The following ST6GALNAC3 variants were observed in gnomAD, a reference collection of about 807,000 sequenced individuals.
The protein encoded by ST6GALNAC3 is alpha-N-acetylgalactosaminide alpha-2,6-sialyltransferase 3.
A neutral mutation model predicts 32.7 loss-of-function variants in ST6GALNAC3; 25 were observed. That is an observed-to-expected ratio of 0.76 (90% confidence interval 0.56 to 1.07). ST6GALNAC3 has a LOEUF of 1.07. ST6GALNAC3 is among the 50% of genes least tolerant of loss of function. The pLI is 0.00. For synonymous variants in ST6GALNAC3, 129 were observed against 133.1 expected (o/e 0.97, Z 0.21); for missense variants, 355 against 382.4 (o/e 0.93, Z 0.60).
intron 1 of ST6GALNAC3, among the ~76,000 whole-genome samples, chr1:76,155,009 C>T (rs193029106): frequency 6.6e-6 from 1 of 152,280 alleles, no homozygotes; most frequent in Non-Finnish European, 1.5e-5. Context: ...ATTTGCATTT[C>T]CACCAATCTT....
At chr1:76,463,557 C>A (rs1460298956) in intron 3 of ST6GALNAC3, among the ~76,000 whole-genome samples, 2 of 152,174 alleles carry the variant, frequency 1.3e-5, no homozygotes, top group Non-Finnish European at 2.9e-5. Flanking sequence ...CCAAGCAATA[C>A]TGCATTTCCT....
At chr1:76,254,455 G>T (rs755481203) in intron 1 of ST6GALNAC3, among the ~76,000 whole-genome samples, 9 of 152,096 alleles carry the variant, frequency 5.9e-5, no homozygotes, top group Non-Finnish European at 1.0e-4. Context: ...CTCTCCTCTT[G>T]TGTTTCCATT....
intron 3 of ST6GALNAC3, among the ~76,000 whole-genome samples, chr1:76,439,903 C>A (rs1656420692): frequency 6.6e-6 from 1 of 152,138 alleles, no homozygotes; most frequent in Non-Finnish European, 1.5e-5. Flanking sequence ...ATGTGCCTCA[C>A]TTTTCTCTTT....
intron 3 of ST6GALNAC3, among the ~76,000 whole-genome samples, chr1:76,432,830 C>A (rs1655861378): frequency 6.6e-6 from 1 of 152,096 alleles, no homozygotes; most frequent in African/African-American, 2.4e-5. Flanking sequence ...AACTTGAAGT[C>A]TTTTTCCTTC....
chr1:76,559,506 G>T (rs1012644938), intron 3 of ST6GALNAC3, among the ~76,000 whole-genome samples: 1 of 152,056 alleles, frequency 6.6e-6, no homozygotes, highest in Non-Finnish European at 1.5e-5. Flanking sequence ...CAACAATAAA[G>T]AACAATAGAT....
chr1:76,135,300 T>A (rs1291544366), intron 1 of ST6GALNAC3, among the ~76,000 whole-genome samples: 1 of 152,262 alleles, frequency 6.6e-6, no homozygotes, highest in African/African-American at 2.4e-5. Context: ...AGTAGTGTTT[T>A]GCATTTGTGT....
intron 1 of ST6GALNAC3, among the ~76,000 whole-genome samples, chr1:76,256,509 T>C (rs1234927669): frequency 2.0e-5 from 3 of 152,182 alleles, no homozygotes. Flanking sequence ...GGCACCCTAC[T>C]GCTTCCATGA....
At chr1:76,523,034 C>T (rs1662647399) in intron 3 of ST6GALNAC3, among the ~76,000 whole-genome samples, 1 of 152,184 alleles carries the variant, frequency 6.6e-6, no homozygotes, top group Admixed American at 6.5e-5. Context: ...GGTCCATCCC[C>T]ATGTGTTCCA....
At chr1:76,595,677 C>T (rs1413317827) in intron 3 of ST6GALNAC3, among the ~76,000 whole-genome samples, 1 of 78,508 alleles carries the variant, frequency 1.3e-5, no homozygotes, top group Non-Finnish European at 3.1e-5. Context: ...CTATCAATAA[C>T]ATCATACACA....
chr1:76,187,582 A>G (rs1653635506), intron 1 of ST6GALNAC3, among the ~76,000 whole-genome samples: 1 of 152,180 alleles, frequency 6.6e-6, no homozygotes, highest in Non-Finnish European at 1.5e-5. Flanking sequence ...CTCCAAAGGA[A>G]CTCTGGAGTA....
intron 1 of ST6GALNAC3, among the ~76,000 whole-genome samples, chr1:76,239,657 G>C (rs899645290): frequency 1.6e-4 from 25 of 152,148 alleles, no homozygotes; most frequent in African/African-American, 5.3e-4. Flanking sequence ...AGCCATTCAC[G>C]AGAGATCTTC....
At chr1:76,573,026 C>T (rs1397908198) in intron 3 of ST6GALNAC3, among the ~76,000 whole-genome samples, 1 of 152,058 alleles carries the variant, frequency 6.6e-6, no homozygotes, top group Non-Finnish European at 1.5e-5. Flanking sequence ...AGTAGATAAT[C>T]TTTTCCTGGT....
At chr1:76,261,252 C>T (rs1165539835) in intron 1 of ST6GALNAC3, among the ~76,000 whole-genome samples, 1 of 152,148 alleles carries the variant, frequency 6.6e-6, no homozygotes, top group Non-Finnish European at 1.5e-5. Context: ...AGTTTGGATA[C>T]ATTATATTCA....
chr1:76,202,581 G>A (rs1157644087), intron 1 of ST6GALNAC3, among the ~76,000 whole-genome samples: 1 of 152,162 alleles, frequency 6.6e-6, no homozygotes, highest in African/African-American at 2.4e-5. Flanking sequence ...TAGTTGGAAA[G>A]GGAAGTAGAG....
At chr1:76,096,820 G>A (rs1222655960) in intron 1 of ST6GALNAC3, among the ~76,000 whole-genome samples, 1 of 151,798 alleles carries the variant, frequency 6.6e-6, no homozygotes, top group African/African-American at 2.4e-5. Flanking sequence ...GCAAATAAAC[G>A]AAGTTCTTAC....
intron 3 of ST6GALNAC3, among the ~76,000 whole-genome samples, chr1:76,465,445 A>G (rs1037169414): frequency 1.3e-5 from 2 of 152,188 alleles, no homozygotes; most frequent in Admixed American, 1.3e-4. Context: ...ATGGAAAGTT[A>G]TGATGTTTTA....
At chr1:76,365,682 T>G (rs929985603) in intron 2 of ST6GALNAC3, among the ~76,000 whole-genome samples, 3 of 152,184 alleles carry the variant, frequency 2.0e-5, no homozygotes, top group African/African-American at 7.2e-5. Flanking sequence ...TTACAAGGGC[T>G]TTGAGTGTGT....
intron 1 of ST6GALNAC3, among the ~76,000 whole-genome samples, chr1:76,162,375 C>T (rs1214990545): frequency 2.0e-5 from 3 of 152,190 alleles, no homozygotes; most frequent in Non-Finnish European, 2.9e-5. Context: ...CTATCCCTGC[C>T]TTTATGCTTT....
intron 3 of ST6GALNAC3, among the ~76,000 whole-genome samples, chr1:76,536,654 C>CAAAAAAAAAAAAAAAAAAAAAAAA (rs35157329): frequency 1.7e-5 from 1 of 57,614 alleles, no homozygotes; most frequent in Non-Finnish European, 3.2e-5. Context: ...AAATGGAAAG[C>CAAAAAAAAAAAAAAAAAAAAAAAA]AAAAAAAAAA....
Sources: gnomAD v4.1 joint callset for allele counts (sites outside exome capture counted in the v4.1 genomes callset) on GRCh38, gnomAD v4.1.1 for gene constraint, MANE v1.5 for transcripts, NCBI Gene and HGNC (gene_info 2026-07-23, HGNC 2026-07-21) for gene names.